Variants in MAN2B1 observed in about 807,000 individuals in gnomAD.
MAN2B1 encodes the protein lysosomal alpha-mannosidase.
Under a neutral mutation model 127.5 loss-of-function variants are expected in MAN2B1, and 99 were observed. The ratio of observed to expected loss-of-function variants is 0.78; its 90% CI spans 0.66 to 0.92. MAN2B1 has a LOEUF of 0.92. MAN2B1 is among the 40% of genes least tolerant of loss of function. The pLI is 0.00. For synonymous variants in MAN2B1, 573 were observed against 568.8 expected (o/e 1.01, Z -0.11); for missense variants, 1,304 against 1,384.8 (o/e 0.94, Z 0.93).
Position 12,664,984 on chromosome 19 carries a change from C to T in MAN2B1, c.438G>A (p.Gly146=), listed in dbSNP as rs1358726379. 5 of 1,613,106 alleles carry T rather than the reference C, an allele frequency of 3.1e-6. No individual in the cohort carries two copies. Among genetic ancestry groups the T allele is most frequent in the Non-Finnish European group, 4.2e-6 (5 of 1,180,050 alleles). The change falls in exon 4 of 24, where the codon GGG becomes GGA. Residue 146 remains glycine (G), a splice_region_variant and synonymous_variant. Transcript: ENST00000456935. ...AGCCACCATTGGCGAACTCCAGGCG[C>T]CCTGTGCCAGGACAGGCAAGGTCAG... The part of the protein sequence containing the change: ...QEVVRDLVRQ[G]RLEFANGGWV...
At chr19:12,649,872 C>T (rs773182870) in intron 18 of MAN2B1, 41 bp downstream of exon 18, 3 of 1,525,148 alleles carry the variant, frequency 2.0e-6, no homozygotes, top group African/African-American at 1.4e-5. Flanking sequence ...GGCCCCAACA[C>T]ACCACAGACC....
At position 12,647,342 on chromosome 19, in the gene MAN2B1, G is replaced by A; in HGVS notation, c.2821-7C>T. On this transcript the variant is annotated splice_region_variant and splice_polypyrimidine_tract_variant and intron_variant, in intron 22 of 23. Transcript: ENST00000456935. This position sits in a 1 kb window ranked among gnomAD's most constrained non-coding sequence, Gnocchi z 4.9. ...TGAAGGTGGAGAACAGGTCCTGCGGGGAAGGGGATGGGCCCAGATGAGTTG... is the reference window on the plus strand; with the variant it reads ...TGAAGGTGGAGAACAGGTCCTGCGGAGAAGGGGATGGGCCCAGATGAGTTG... 1 of 1,613,740 alleles carries A rather than the reference G, an allele frequency of 6.2e-7. No individual in the cohort carries two copies. Among genetic ancestry groups the A allele is most frequent in the Non-Finnish European group, 8.5e-7 (1 of 1,179,622 alleles).
chr19:12,657,987 A>T, intron 10 of MAN2B1, 76 bp downstream of exon 10: 1 of 1,047,702 alleles, frequency 9.5e-7, no homozygotes, highest in Non-Finnish European at 1.4e-6. Flanking sequence ...AAAAAGAAGA[A>T]ACTCGAGGGG....
intron 14 of MAN2B1, 81 bp downstream of exon 14, chr19:12,655,613 C>G (rs771580613): frequency 2.0e-5 from 28 of 1,432,520 alleles, no homozygotes; most frequent in Non-Finnish European, 2.7e-5. Flanking sequence ...TAGGGACCTG[C>G]TGACCCAGAG....
chr19:12,650,851 G>T (rs1488302702), intron 16 of MAN2B1, among the ~76,000 whole-genome samples: 2 of 150,210 alleles, frequency 1.3e-5, no homozygotes, highest in Non-Finnish European at 2.9e-5. Flanking sequence ...TGTATTTTTA[G>T]TAGAGACGGG....
chr19:12,655,926 G>A (rs1290629754), intron 13 of MAN2B1, 47 bp from the exon 14 acceptor site: 1 of 1,525,652 alleles, frequency 6.6e-7, no homozygotes. Flanking sequence ...CCCATGGAAA[G>A]CTATACATGC....
In MAN2B1 at chr19:12,657,051, A is replaced by C; in HGVS notation, c.1425T>G (p.Leu475=). The change falls in exon 12 of 24, where the codon CTT becomes CTG. Residue 475 remains leucine, a synonymous_variant. Transcript: ENST00000456935. Reference sequence around the variant, plus strand: ...TGAGCCGCGCCAGCGCGTTGCTCAGAAGAACCTGCGGAAGAGCGCAAAGGG... The same window carrying C: ...TGAGCCGCGCCAGCGCGTTGCTCAGCAGAACCTGCGGAAGAGCGCAAAGGG... ...LAAGWGPCEV[L]LSNALARLRG... is the part of the protein sequence containing the mutation. The C allele has an allele frequency of 6.2e-7, 1 of 1,605,296 alleles. No individual in the cohort carries two copies. The highest frequency in any genetic ancestry group is 8.5e-7 in the Non-Finnish European group (1 of 1,175,282).
chr19:12,654,474 C>T (rs548737246), intron 14 of MAN2B1, among the ~76,000 whole-genome samples: 1 of 152,250 alleles, frequency 6.6e-6, no homozygotes, highest in African/African-American at 2.4e-5. Flanking sequence ...CAGAGCACAC[C>T]TGTGATACCC....
intron 4 of MAN2B1, 36 bp downstream of exon 4, chr19:12,664,756 T>C: frequency 6.3e-7 from 1 of 1,597,688 alleles, no homozygotes; most frequent in Non-Finnish European, 8.5e-7. Context: ...CCAGAGTGAG[T>C]GAAGAAGTGG....
intron 23 of MAN2B1, chr19:12,646,994 G>C (rs548310517): frequency 1.6e-6 from 1 of 608,308 alleles, no homozygotes; most frequent in South Asian, 2.0e-5. Context: ...AACTAGACAT[G>C]GATGGGGATT....
chr19:12,648,157 T>C lies in MAN2B1; in HGVS notation c.2664+18A>G, dbSNP rs1298297222. ...AGACTTCAATCCGGTCCTCTCTGCC[T>C]ACCCCGCTGCCCCTCACCTGCGTGC... On this transcript the variant is annotated intron_variant, in intron 21 of 23. Transcript: ENST00000456935. The C allele has an allele frequency of 1.3e-6, 2 of 1,532,046 alleles. No individual in the cohort carries two copies. The highest frequency in any genetic ancestry group is 1.7e-6 in the Non-Finnish European group (2 of 1,144,298). The allele number at this position is 1,532,046 out of a possible 1,614,324, so 94.9% of individuals were successfully genotyped here. A position where few individuals can be genotyped will look rare whatever the true frequency, so the allele number is the denominator to read the frequency against.
chr19:12,666,157 C>G (rs909090024), intron 1 of MAN2B1, among the ~76,000 whole-genome samples: 1 of 152,118 alleles, frequency 6.6e-6, no homozygotes, highest in African/African-American at 2.4e-5. Context: ...GGATAGGTGA[C>G]TTGCCCAACG....
intron 10 of MAN2B1, 115 bp from the exon 11 acceptor site, chr19:12,657,670 C>G: frequency 1.1e-6 from 1 of 945,804 alleles, no homozygotes; most frequent in Non-Finnish European, 1.7e-6. Flanking sequence ...AGAAGGAACT[C>G]GAGGACGGCT....
At chr19:12,657,895 C>T (rs1018654066) in intron 10 of MAN2B1, 168 bp downstream of exon 10, 8 of 661,106 alleles carry the variant, frequency 1.2e-5, no homozygotes, top group Non-Finnish European at 1.7e-5. Context: ...GTGGAGCTTG[C>T]AGTGAGCCGA....
intron 14 of MAN2B1, among the ~76,000 whole-genome samples, chr19:12,652,822 G>A (rs1826855729): frequency 7.0e-6 from 1 of 143,140 alleles, no homozygotes; most frequent in South Asian, 2.2e-4. Context: ...ATAAGCCACT[G>A]TGCCCAGCCG....
chr19:12,646,785 T>C, intron 23 of MAN2B1, 53 bp from the exon 24 acceptor site: 1 of 1,273,108 alleles, frequency 7.9e-7, no homozygotes, highest in South Asian at 1.2e-5. Context: ...TTCCTCTGAC[T>C]CACCCCACGA....
rs2145288992 is a variant in MAN2B1 at position 12,665,359 on chromosome 19, C to T, written c.429G>A (p.Val143=). The change falls in exon 3 of 24, where the codon GTG becomes GTA. Residue 143 remains valine, a synonymous_variant. Coordinates refer to ENST00000456935, the MANE Select transcript of MAN2B1 (RefSeq NM_000528.4). ...NATQEVVRDL[V]RQGRLEFANG... is the part of the protein sequence containing the mutation. The stretch of plus-strand genomic sequence containing the variant: ...TCCTTGGGGTAGGCTCACCCTGGCG[C>T]ACAAGGTCTCGCACGACTTCCTGTG... The T allele has an allele frequency of 1.9e-6, 3 of 1,605,930 alleles. No individual in the cohort carries two copies. In the South Asian group the frequency reaches 3.3e-5, roughly 18 times the overall value.
Position 12,647,811 on chromosome 19 carries a change from C to T in MAN2B1, c.2665-213G>A, listed in dbSNP as rs2023730145. On this transcript the variant is annotated intron_variant, in intron 21 of 23. Transcript: ENST00000456935. This position sits in a 1 kb window ranked among gnomAD's most constrained non-coding sequence, Gnocchi z 4.9. ...GGTCCCAAGCTTAGGGTTCGAGTCC[C>T]GATGGAGCAGAACTGATGTGACCTG... The T allele has an allele frequency of 3.3e-6, 2 of 603,664 alleles. No individual in the cohort carries two copies. Among genetic ancestry groups the T allele is most frequent in the Non-Finnish European group, 5.9e-6 (2 of 341,226 alleles). 37.4% of individuals were successfully genotyped at this position (603,664 alleles called of 1,614,324 possible). A position where few individuals can be genotyped will look rare whatever the true frequency, so the allele number is the denominator to read the frequency against.
At chr19:12,656,381 C>T in intron 13 of MAN2B1, 190 bp downstream of exon 13, 1 of 573,850 alleles carries the variant, frequency 1.7e-6, no homozygotes, top group Non-Finnish European at 3.1e-6. Context: ...AAGGGAGGAC[C>T]ACTCACAGGA....
Sources: gnomAD v4.1 joint callset for allele counts (sites outside exome capture counted in the v4.1 genomes callset) on GRCh38, gnomAD v4.1.1 for gene constraint, Gnocchi (gnomAD v3.1) non-coding constraint, MANE v1.5 for transcripts, NCBI Gene and HGNC (gene_info 2026-07-23, HGNC 2026-07-21) for gene names.